APOH: variants seen among roughly 807,000 people sequenced by gnomAD.
APOH encodes the protein beta-2-glycoprotein 1.
APOH carries 48 observed loss-of-function variants against 39.8 expected under a neutral mutation model. The ratio of observed to expected loss-of-function variants is 1.21; its 90% CI spans 0.96 to 1.54. The LOEUF (loss-of-function observed/expected upper bound fraction) is 1.54. Among genes scored for constraint, APOH ranks in the 40% most tolerant of loss-of-function variants. The pLI, the probability that APOH is intolerant of heterozygous loss-of-function variation, is 0.00. For missense variants in APOH, 415 were observed against 421.2 expected, an observed-to-expected ratio of 0.99 and a Z score of 0.13; for synonymous variants, 153 against 151.1, an observed-to-expected ratio of 1.01 and a Z score of -0.09.
At chr17:66,227,899 A>C (rs545764645) in intron 2 of APOH, 121 bp downstream of exon 2, 3 of 1,028,254 alleles carry the variant, frequency 2.9e-6, no homozygotes, top group Non-Finnish European at 4.3e-6. Context: ...TTTCTCTCCA[A>C]CCTGGCTTTC....
chr17:66,220,150 A>G (rs888008081), intron 5 of APOH, among the ~76,000 whole-genome samples: 1 of 152,096 alleles, frequency 6.6e-6, no homozygotes, highest in Non-Finnish European at 1.5e-5. Context: ...CTCCAATTTA[A>G]CCCAGGAACT....
In APOH at chr17:66,225,616, G is replaced by A. The variant is rs113507880; in HGVS notation, c.338+412C>T. Among the ~76,000 whole-genome samples the A allele has an allele frequency of 5.6e-4, 86 of 152,292 alleles. 1 individual carries two copies. The highest frequency in any genetic ancestry group is 1.9e-3 in the African/African-American group (78 of 41,560). ...GAGCAGAAAAATTAGATACAGTGGT[G>A]ACTACGTATTGCACTAGTTGTTATA... is the stretch of plus-strand genomic sequence containing the variant. On this transcript the variant is annotated intron_variant, in intron 3 of 7. Transcript: ENST00000205948.
At chr17:66,217,885 G>C (rs186642792) in intron 5 of APOH, among the ~76,000 whole-genome samples, 1 of 152,042 alleles carries the variant, frequency 6.6e-6, no homozygotes, top group Non-Finnish European at 1.5e-5. Context: ...GAAGCTTGCA[G>C]TGAGCTGAGA....
At chr17:66,216,696 G>C in intron 6 of APOH, 92 bp downstream of exon 6, 2 of 1,318,450 alleles carry the variant, frequency 1.5e-6, no homozygotes, top group Admixed American at 2.5e-5. Context: ...TGAGCAACAA[G>C]TGGAAAAGTG....
In APOH at chr17:66,228,124, T is replaced by A. The variant is rs1314485191; in HGVS notation, c.137A>T (p.Glu46Val). 6.2e-7 allele frequency: 1 copy of A among 1,614,158 alleles called. No homozygotes were observed. The highest frequency in any genetic ancestry group is 8.5e-7 in the Non-Finnish European group (1 of 1,180,026). Residue 46 changes from glutamate (E) to valine (V), a missense_variant, in exon 2 of 8, where the codon GAG (glutamate) becomes GTG (valine). Glu to Val is a moderately radical substitution (Grantham distance 121). Around this residue, in one of 3 missense-constraint regions of APOH, gnomAD observed 288 missense variants for 284.9 expected, o/e 1.01. Coordinates refer to ENST00000205948, the MANE Select transcript of APOH (RefSeq NM_000042.3). The stretch of plus-strand genomic sequence containing the variant: ...GCCCGGCTTGCAGGAATACGTAATC[T>A]CTTCTCCTGGCTCATAGAATGTTTT... ...PLKTFYEPGE[E>V]ITYSCKPGYV...
intron 4 of APOH, 86 bp from the exon 5 acceptor site, chr17:66,220,828 G>A: frequency 7.6e-7 from 1 of 1,315,886 alleles, no homozygotes; most frequent in Non-Finnish European, 1.0e-6. Flanking sequence ...AAAACCCTAA[G>A]GATAAACTTG....
rs2073436940 is a variant in APOH, at chr17:66,226,013, C to G, written c.338+15G>C. 6.3e-7 allele frequency: 1 copy of G among 1,587,940 alleles called. No homozygotes were observed. Among genetic ancestry groups the G allele is most frequent in the African/African-American group, 1.3e-5 (1 of 74,462 alleles). ...GCTCAGTCTGTTAACTGCTTAGTTCCATGAAAGTTCTTACCCAGTGTTACA... is the reference window on the plus strand; with the variant it reads ...GCTCAGTCTGTTAACTGCTTAGTTCGATGAAAGTTCTTACCCAGTGTTACA... On this transcript the variant is annotated intron_variant, in intron 3 of 7. Transcript: ENST00000205948.
chr17:66,219,706 G>C (rs1159915259), intron 5 of APOH, among the ~76,000 whole-genome samples: 1 of 152,142 alleles, frequency 6.6e-6, no homozygotes, highest in African/African-American at 2.4e-5. Context: ...ATTACTTGAG[G>C]TCAGGCATTT....
At chr17:66,225,696 T>G (rs1188901643) in intron 3 of APOH, among the ~76,000 whole-genome samples, 3 of 152,102 alleles carry the variant, frequency 2.0e-5, no homozygotes, top group Non-Finnish European at 2.9e-5. Flanking sequence ...GCTAACACAG[T>G]GAAACCCCGT....
At chr17:66,215,815 A>G (rs545968201) in intron 6 of APOH, among the ~76,000 whole-genome samples, 4 of 152,194 alleles carry the variant, frequency 2.6e-5, no homozygotes, top group Non-Finnish European at 4.4e-5. Flanking sequence ...TTCAAGATGA[A>G]TAAGCAGAGA....
Position 66,212,035 on chromosome 17 carries a change from C to T in APOH, c.*98G>A, listed in dbSNP as rs1294997174. Reference sequence around the variant, plus strand: ...CATGAAGCTAACACTGCAATGGGTGCGGCAATAAATTCAGTAGCTTTATTT... The same window carrying T: ...CATGAAGCTAACACTGCAATGGGTGTGGCAATAAATTCAGTAGCTTTATTT... On this transcript the variant is annotated 3_prime_UTR_variant, in exon 8 of 8. Coordinates refer to ENST00000205948, the MANE Select transcript of APOH (RefSeq NM_000042.3). The T allele has an allele frequency of 8.9e-6, 9 of 1,006,156 alleles. No homozygotes were observed. Among genetic ancestry groups the T allele is most frequent in the South Asian group, 1.4e-5 (1 of 72,784 alleles). The allele number at this position is 1,006,156 out of a possible 1,614,324, so 62.3% of individuals were successfully genotyped here.
intron 4 of APOH, among the ~76,000 whole-genome samples, chr17:66,223,361 GA>G (rs8178840): frequency 0.56 from 85,295 of 152,062 alleles, 24,793 homozygotes; most frequent in East Asian, 0.83. Flanking sequence ...GTTAAGTGGT[GA>G]CAGTCCCTGA....
chr17:66,212,546 G>A (rs1319216137), intron 7 of APOH, among the ~76,000 whole-genome samples: 1 of 152,058 alleles, frequency 6.6e-6, no homozygotes, highest in East Asian at 1.9e-4. Flanking sequence ...CACCATGCCT[G>A]GCTAATCTTT....
chr17:66,216,704 G>A, intron 6 of APOH, 84 bp downstream of exon 6: 1 of 1,369,358 alleles, frequency 7.3e-7, no homozygotes, highest in Non-Finnish European at 9.8e-7. Flanking sequence ...AAGTGGAAAA[G>A]TGTTGGAACA....
At chr17:66,224,481 AAAAAAAAAAAG>A (rs1320288418) in intron 3 of APOH, among the ~76,000 whole-genome samples, 3 of 146,352 alleles carry the variant, frequency 2.0e-5, no homozygotes, top group East Asian at 2.0e-4. Context: ...AAAAAAAAAA[AAAAAAAAAAAG>A]AAAAGAAAAG....
intron 5 of APOH, among the ~76,000 whole-genome samples, chr17:66,217,498 A>G (rs2073372996): frequency 6.6e-6 from 1 of 152,150 alleles, no homozygotes; most frequent in Admixed American, 6.6e-5. Context: ...TCAACAGTAG[A>G]GGCCCAAACC....
rs1366266781 is a variant in APOH, at chr17:66,221,417, A to AAGGAAGGGAGGG, written c.416-676_416-675insCCCTCCCTTCCT. ...GAAGGAAGGAAGGAAGGAAGGAAGG[A>AAGGAAGGGAGGG]AGGAAGGAAGGAAGCCCTCAAGTCA... On this transcript the variant is annotated intron_variant, in intron 4 of 7. Coordinates refer to ENST00000205948, the MANE Select transcript of APOH (RefSeq NM_000042.3). Among the ~76,000 whole-genome samples, 4 of 19,064 alleles carry AAGGAAGGGAGGG rather than the reference A, an allele frequency of 2.1e-4. No homozygotes were observed. The African/African-American group carries it at 2.2e-3, about 10-fold the overall frequency. 12.5% of individuals were successfully genotyped at this position (19,064 alleles called of 152,430 possible).
chr17:66,228,667 G>A, intron 1 of APOH: 1 of 153,740 alleles, frequency 6.5e-6, no homozygotes. Flanking sequence ...CGGGTGTGGT[G>A]GCGGGCGCCT....
At chr17:66,228,303 A>T (rs1598555298) in intron 1 of APOH, 107 bp from the exon 2 acceptor site, 4 of 1,211,038 alleles carry the variant, frequency 3.3e-6, no homozygotes, top group Middle Eastern at 2.0e-4. Flanking sequence ...TTATAAGCAT[A>T]CCAAGTTGCA....
Sources: gnomAD v4.1 joint callset for allele counts (sites outside exome capture counted in the v4.1 genomes callset) on GRCh38, gnomAD v4.1.1 for gene constraint, gnomAD v4.1.1 regional missense constraint, MANE v1.5 for transcripts, NCBI Gene and HGNC (gene_info 2026-07-23, HGNC 2026-07-21) for gene names.